SLAMF7: variants seen among roughly 807,000 people sequenced by gnomAD.
The protein encoded by SLAMF7 is SLAM family member 7.
In SLAMF7, 26 loss-of-function variants were observed where a neutral mutation model predicts 34.1. The ratio of observed to expected loss-of-function variants is 0.76; its 90% confidence interval spans 0.56 to 1.06. The LOEUF (loss-of-function observed/expected upper bound fraction) is 1.06. SLAMF7 is among the 50% of genes least tolerant of loss of function. The pLI, the probability that SLAMF7 is intolerant of heterozygous loss-of-function variation, is 0.00. For missense variants in SLAMF7, 399 were observed against 402.5 expected (o/e 0.99, Z 0.07); for synonymous variants, 171 against 156.4 (o/e 1.09, Z -0.70).
intron 3 of SLAMF7, 38 bp downstream of exon 3, chr1:160,750,131 AG>A (rs1306784698): frequency 6.2e-7 from 1 of 1,603,670 alleles, no homozygotes; most frequent in East Asian, 2.2e-5. Context: ...GACTCTGCCC[AG>A]GTCCTACACC....
In SLAMF7 at chr1:160,753,265, T is replaced by C. The variant is rs1387518760; in HGVS notation, c.*88T>C. 1.1e-5 allele frequency: 12 copies of C among 1,115,148 alleles called. No homozygotes were observed. The highest frequency in any genetic ancestry group is 2.7e-5 in the South Asian group (2 of 75,026). 69.1% of individuals were successfully genotyped at this position (1,115,148 alleles called of 1,614,324 possible). The stretch of plus-strand genomic sequence containing the variant: ...AATCAGAAGAATTCACTGATTTGAC[T>C]AGAAACATCAAGGAAGAATGAAGAA... On this transcript the variant is annotated 3_prime_UTR_variant, in exon 7 of 7. Transcript: ENST00000368043.
At chr1:160,739,750 G>A (rs1663581065) in intron 1 of SLAMF7, 1 of 168,496 alleles carries the variant, frequency 5.9e-6, no homozygotes, top group Admixed American at 5.7e-5. Flanking sequence ...ATACTATACA[G>A]GTATGTATTT....
intron 1 of SLAMF7, among the ~76,000 whole-genome samples, chr1:160,747,322 G>C (rs1664212127): frequency 6.6e-6 from 1 of 152,266 alleles, no homozygotes; most frequent in South Asian, 2.1e-4. Flanking sequence ...TACCCCCACT[G>C]TGCCTCACAT....
chr1:160,752,489 G>A (rs527749113), intron 6 of SLAMF7, among the ~76,000 whole-genome samples: 19 of 152,258 alleles, frequency 1.2e-4, no homozygotes, highest in South Asian at 2.1e-4. Flanking sequence ...GTTCTAGATC[G>A]GAATAATAAA....
chr1:160,748,840 G>A (rs1449406812), intron 2 of SLAMF7, among the ~76,000 whole-genome samples: 1 of 152,146 alleles, frequency 6.6e-6, no homozygotes, highest in African/African-American at 2.4e-5. Context: ...ATCTGTAGTG[G>A]GGAGGAAAGA....
intron 1 of SLAMF7, among the ~76,000 whole-genome samples, chr1:160,746,031 T>G (rs1488906902): frequency 6.6e-6 from 1 of 152,162 alleles, no homozygotes; most frequent in Non-Finnish European, 1.5e-5. Flanking sequence ...GTTACATCAG[T>G]ACTGGAGTAG....
intron 1 of SLAMF7, among the ~76,000 whole-genome samples, chr1:160,746,644 T>C (rs142578806): frequency 0.015 from 2,266 of 152,326 alleles, 63 homozygotes; most frequent in African/African-American, 0.051. Flanking sequence ...GGTAATTGAT[T>C]GCAAAAGAAT....
intron 1 of SLAMF7, among the ~76,000 whole-genome samples, chr1:160,742,035 C>T (rs145151188): frequency 6.6e-6 from 1 of 152,050 alleles, no homozygotes; most frequent in African/African-American, 2.4e-5. Context: ...AAGCAGGAGG[C>T]AGGCTTTTCC....
At chr1:160,753,085 T>G in intron 6 of SLAMF7, 21 bp from the exon 7 acceptor site, 1 of 1,612,740 alleles carries the variant, frequency 6.2e-7, no homozygotes, top group Non-Finnish European at 8.5e-7. Flanking sequence ...CTCACTCTAC[T>G]TTCTTTTTGT....
In SLAMF7 at chr1:160,750,359, C is replaced by T. The variant is rs1664473221; in HGVS notation, c.705C>T (p.Pro235=). The change falls in exon 4 of 7, where the codon CCC becomes CCT. Residue 235 remains proline, a synonymous_variant. Coordinates refer to ENST00000368043, the MANE Select transcript of SLAMF7 (RefSeq NM_021181.5). The stretch of plus-strand genomic sequence containing the variant: ...TCCTCCTGTGTCTCCTGTTGGTGCC[C>T]CTCCTGCTCAGTCTCTTTGTACTGG... ...SMVLLCLLLV[P]LLLSLFVLGL... 2 of 1,614,114 alleles carry T rather than the reference C, an allele frequency of 1.2e-6. No individual in the cohort carries two copies. The highest frequency in any genetic ancestry group is 1.7e-4 in the Middle Eastern group (1 of 6,060).
At chr1:160,745,277 G>A (rs1325692316) in intron 1 of SLAMF7, among the ~76,000 whole-genome samples, 2 of 152,140 alleles carry the variant, frequency 1.3e-5, no homozygotes, top group African/African-American at 4.8e-5. Context: ...GTCACCAGAG[G>A]ACAAGAAGGG....
chr1:160,753,189 C>G lies in SLAMF7; in HGVS notation c.*12C>G. The G allele has an allele frequency of 1.2e-6, 2 of 1,604,930 alleles. No homozygotes were observed. The highest frequency in any genetic ancestry group is 1.7e-6 in the Non-Finnish European group (2 of 1,173,760). ...AGAATGTTATCTAGACAGCAGTGCA[C>G]TCCCCTAAGTCTCTGCTCAAAAAAA... On this transcript the variant is annotated 3_prime_UTR_variant, in exon 7 of 7. Coordinates refer to ENST00000368043, the MANE Select transcript of SLAMF7 (RefSeq NM_021181.5).
Position 160,748,180 on chromosome 1 carries a change from C to G in SLAMF7, c.56-14C>G. 1 of 1,610,742 alleles carries G rather than the reference C, an allele frequency of 6.2e-7. No homozygotes were observed. Among genetic ancestry groups the G allele is most frequent in the African/African-American group, 1.3e-5 (1 of 74,848 alleles). ...AGGGAATCAGGCTTATTTTATGGTT[C>G]TCTGTGTTTATAGGGTCAGCAGCCT... is the stretch of plus-strand genomic sequence containing the variant. On this transcript the variant is annotated splice_polypyrimidine_tract_variant and intron_variant, in intron 1 of 6. Coordinates refer to ENST00000368043, the MANE Select transcript of SLAMF7 (RefSeq NM_021181.5).
At chr1:160,743,997 T>C (rs566767379) in intron 1 of SLAMF7, among the ~76,000 whole-genome samples, 1 of 152,302 alleles carries the variant, frequency 6.6e-6, no homozygotes, top group Non-Finnish European at 1.5e-5. Flanking sequence ...CATCTTCCCT[T>C]TCCATAACAC....
chr1:160,747,889 A>G (rs1571118450), intron 1 of SLAMF7, among the ~76,000 whole-genome samples: 1 of 105,954 alleles, frequency 9.4e-6, no homozygotes, highest in Non-Finnish European at 2.0e-5. Flanking sequence ...TTTCTTCAGC[A>G]GACATTCTTA....
intron 1 of SLAMF7, among the ~76,000 whole-genome samples, chr1:160,747,269 G>C (rs1664203719): frequency 6.6e-6 from 1 of 152,040 alleles, no homozygotes; most frequent in Non-Finnish European, 1.5e-5. Flanking sequence ...TGTGGGTTTT[G>C]GTGTGTACTC....
Position 160,748,205 on chromosome 1 carries a change from T to C in SLAMF7, c.67T>C (p.Ser23Pro), listed in dbSNP as rs1315928087. Residue 23 changes from serine (S) to proline (P), a missense_variant, in exon 2 of 7, where the codon TCT becomes CCT. Coordinates refer to ENST00000368043, the MANE Select transcript of SLAMF7 (RefSeq NM_021181.5). ...CTCTGTGTTTATAGGGTCAGCAGCCTCTGGACCCGTGAAAGAGCTGGTCGG... is the reference window on the plus strand; with the variant it reads ...CTCTGTGTTTATAGGGTCAGCAGCCCCTGGACCCGTGAAAGAGCTGGTCGG... Reference protein sequence around the residue: ...ILWQLTGSAASGPVKELVGSV... With the variant: ...ILWQLTGSAAPGPVKELVGSV... 6.2e-7 allele frequency: 1 copy of C among 1,613,966 alleles called. No individual in the cohort carries two copies. The highest frequency in any genetic ancestry group is 8.5e-7 in the Non-Finnish European group (1 of 1,179,890).
At chr1:160,751,899 T>C (rs184362798) in intron 5 of SLAMF7, 1,918 of 129,956 alleles carry the variant, frequency 0.015, 40 homozygotes, top group South Asian at 0.04. Flanking sequence ...TATATATATA[T>C]ATACACACAC....
chr1:160,747,694 G>T (rs1489604893), intron 1 of SLAMF7, among the ~76,000 whole-genome samples: 1 of 152,214 alleles, frequency 6.6e-6, no homozygotes, highest in South Asian at 2.1e-4. Context: ...GTGAGACTCT[G>T]TCTCAAAAAC....
Sources: gnomAD v4.1 joint callset for allele counts (sites outside exome capture counted in the v4.1 genomes callset) on GRCh38, gnomAD v4.1.1 for gene constraint, MANE v1.5 for transcripts, NCBI Gene and HGNC (gene_info 2026-07-23, HGNC 2026-07-21) for gene names.